MMS22L: variants seen among roughly 807,000 people sequenced by gnomAD.
MMS22L encodes MMS22 like, DNA repair protein, also known as protein MMS22-like.
A neutral mutation model predicts 159.1 loss-of-function variants in MMS22L; 74 were observed. The ratio of observed to expected loss-of-function variants is 0.47; its 90% CI spans 0.39 to 0.56. The LOEUF is 0.56. MMS22L is among the 20% of genes least tolerant of loss of function. MMS22L has a pLI of 0.00. For missense variants in MMS22L, 1,351 were observed against 1,422.1 expected, an observed-to-expected ratio of 0.95 and a Z score of 0.80; for synonymous variants, 517 against 506.9, an observed-to-expected ratio of 1.02 and a Z score of -0.27.
chr6:97,244,136 C>T (rs1249290703), intron 11 of MMS22L, among the ~76,000 whole-genome samples: 1 of 152,190 alleles, frequency 6.6e-6, no homozygotes, highest in Non-Finnish European at 1.5e-5. Context: ...TTGTTTTCTC[C>T]TTCCTTGGTG....
In MMS22L at chr6:97,186,701, A is replaced by G. The variant is rs1805279017; in HGVS notation, c.2040-11T>C. The G allele has an allele frequency of 6.7e-7, 1 of 1,499,864 alleles. No individual in the cohort carries two copies. Among genetic ancestry groups the G allele is most frequent in the African/African-American group, 1.4e-5 (1 of 69,750 alleles). 92.9% of individuals were successfully genotyped at this position (1,499,864 alleles called of 1,614,324 possible). The stretch of plus-strand genomic sequence containing the variant: ...TGTTGATGCATACTCCTAAAAAGAA[A>G]TAAAAATACAGCTAACACCCTTAAT... On this transcript the variant is annotated splice_polypyrimidine_tract_variant and intron_variant, in intron 14 of 24. Transcript: ENST00000683635.
Position 97,263,453 on chromosome 6 carries a change from A to T in MMS22L, c.829-5T>A. The T allele has an allele frequency of 2.7e-6, 4 of 1,459,288 alleles. No individual in the cohort carries two copies. The highest frequency in any genetic ancestry group is 3.7e-6 in the Non-Finnish European group (4 of 1,086,922). The allele number at this position is 1,459,288 out of a possible 1,614,324, so 90.4% of individuals were successfully genotyped here. The stretch of plus-strand genomic sequence containing the variant: ...TAATGATTCAGAAGACCTAACCTAT[A>T]GAAAATAACCAAAATGTGTTATTTA... On this transcript the variant is annotated splice_polypyrimidine_tract_variant and splice_region_variant and intron_variant, in intron 8 of 24. Transcript: ENST00000683635.
Position 97,182,072 on chromosome 6 carries a change from G to A in MMS22L, c.2234-18C>T. 3 of 1,592,352 alleles carry A rather than the reference G, an allele frequency of 1.9e-6. No homozygotes were observed. The highest frequency in any genetic ancestry group is 2.6e-6 in the Non-Finnish European group (3 of 1,170,992). ...AGTAAAGTCTAGATTCAAAATGAGA[G>A]AAACTTAAAGTCAGGAATCTTTAAA... On this transcript the variant is annotated intron_variant, in intron 15 of 24. Transcript: ENST00000683635.
Position 97,254,751 on chromosome 6 carries a change from AT to A in MMS22L, c.943-19del, listed in dbSNP as rs747426901. The stretch of plus-strand genomic sequence containing the variant: ...CAAAATGACTATAGAAACAGAAGTA[AT>A]TTGATTCCATTAAGACAGTTTCAAT... On this transcript the variant is annotated intron_variant, in intron 9 of 24. Coordinates refer to ENST00000683635, the MANE Select transcript of MMS22L (RefSeq NM_001350599.2). 6.4e-6 allele frequency: 10 copies of A among 1,564,456 alleles called. No individual in the cohort carries two copies. In the African/African-American group the frequency reaches 1.2e-4, roughly 19 times the overall value.
At chr6:97,161,224 T>G (rs576185840) in intron 22 of MMS22L, among the ~76,000 whole-genome samples, 1 of 152,194 alleles carries the variant, frequency 6.6e-6, no homozygotes, top group Admixed American at 6.6e-5. Context: ...TCTGAGGTGA[T>G]GTAACCTCAG....
chr6:97,164,216 C>T (rs1425544783), intron 21 of MMS22L, among the ~76,000 whole-genome samples: 1 of 151,448 alleles, frequency 6.6e-6, no homozygotes, highest in Non-Finnish European at 1.5e-5. Flanking sequence ...ATAAAGCTTC[C>T]AAACCTGAGT....
At chr6:97,272,660 G>A in intron 6 of MMS22L, 44 bp downstream of exon 6, 3 of 1,524,284 alleles carry the variant, frequency 2.0e-6, no homozygotes, top group Non-Finnish European at 2.7e-6. Context: ...TCCTTGTGGG[G>A]AGAAAAAGCT....
intron 20 of MMS22L, among the ~76,000 whole-genome samples, chr6:97,166,324 A>T (rs1802953840): frequency 1.3e-5 from 2 of 152,132 alleles, no homozygotes; most frequent in African/African-American, 2.4e-5. Flanking sequence ...ATAAAAGTTA[A>T]CTCTTAATTT....
chr6:97,165,536 T>C, intron 20 of MMS22L, 79 bp from the exon 21 acceptor site: 1 of 1,097,750 alleles, frequency 9.1e-7, no homozygotes, highest in Non-Finnish European at 1.3e-6. Context: ...ACTAATGAAG[T>C]CCCCAGCATT....
intron 5 of MMS22L, 30 bp from the exon 6 acceptor site, chr6:97,272,911 T>G (rs772803377): frequency 6.2e-7 from 1 of 1,607,302 alleles, no homozygotes; most frequent in African/African-American, 1.3e-5. Context: ...AATAAACAAC[T>G]AGAGTCTGTG....
At chr6:97,204,344 C>T (rs1807517244) in intron 14 of MMS22L, among the ~76,000 whole-genome samples, 1 of 152,044 alleles carries the variant, frequency 6.6e-6, no homozygotes. Context: ...GAAAATTTAC[C>T]ATCCTCATGG....
rs75866034 is a variant in MMS22L, at chr6:97,206,795, A to C, written c.2040-20105T>G. Among the ~76,000 whole-genome samples the C allele has an allele frequency of 7.3e-3, 1,108 of 152,278 alleles. 15 individuals carry two copies. Among genetic ancestry groups the C allele is most frequent in the African/African-American group, 0.025 (1,035 of 41,570 alleles). On this transcript the variant is annotated intron_variant, in intron 14 of 24. Transcript: ENST00000683635. ...CATAAGGACCATATCAAATTTACTC[A>C]GTACAAAGTTGGCATAAAACTAAGT...
chr6:97,187,234 C>T (rs1458725253), intron 14 of MMS22L, among the ~76,000 whole-genome samples: 1 of 152,060 alleles, frequency 6.6e-6, no homozygotes, highest in Non-Finnish European at 1.5e-5. Context: ...ACTTGGTAGG[C>T]AATAATATAC....
At chr6:97,239,803 G>A (rs554989896) in intron 11 of MMS22L, among the ~76,000 whole-genome samples, 2 of 152,314 alleles carry the variant, frequency 1.3e-5, no homozygotes, top group South Asian at 4.2e-4. Flanking sequence ...TGACTCGGGA[G>A]AAGGAGGCAG....
intron 11 of MMS22L, among the ~76,000 whole-genome samples, chr6:97,244,846 C>T (rs960280328): frequency 2.0e-5 from 3 of 152,102 alleles, no homozygotes; most frequent in Non-Finnish European, 4.4e-5. Flanking sequence ...CTCAGACTCT[C>T]CTTGGGCAGG....
chr6:97,192,820 T>C lies in MMS22L; in HGVS notation c.2040-6130A>G, dbSNP rs1806035623. 2.6e-5 allele frequency among the ~76,000 whole-genome samples: 4 copies of C among 152,204 alleles called. 1 individual carries two copies. The highest frequency in any genetic ancestry group is 1.3e-4 in the Admixed American group (2 of 15,284). ...GCCCTATTCTAAGTGTTTGACCTTT[T>C]ATAACTAATTTAATCTGTAGGTACT... On this transcript the variant is annotated intron_variant, in intron 14 of 24. Transcript: ENST00000683635.
intron 12 of MMS22L, among the ~76,000 whole-genome samples, chr6:97,231,866 A>C (rs1810910451): frequency 6.6e-6 from 1 of 152,206 alleles, no homozygotes. Context: ...ATGTGTTTTT[A>C]ACAGTTGATT....
At chr6:97,181,225 TGTTAC>T (rs1311399946) in intron 16 of MMS22L, among the ~76,000 whole-genome samples, 1 of 152,176 alleles carries the variant, frequency 6.6e-6, no homozygotes, top group East Asian at 1.9e-4. Context: ...TACAAGCAGT[TGTTAC>T]TAAAAAGAGG....
chr6:97,147,988 A>G (rs2128229657), intron 24 of MMS22L, among the ~76,000 whole-genome samples: 1 of 152,356 alleles, frequency 6.6e-6, no homozygotes, highest in East Asian at 1.9e-4. Context: ...GTACAGATAA[A>G]CAGACACACA....
Sources: gnomAD v4.1 joint callset for allele counts (sites outside exome capture counted in the v4.1 genomes callset) on GRCh38, gnomAD v4.1.1 for gene constraint, MANE v1.5 for transcripts, NCBI Gene and HGNC (gene_info 2026-07-23, HGNC 2026-07-21) for gene names.